The following GAS7 variants were observed in gnomAD, a reference collection of about 807,000 sequenced individuals.
GAS7 encodes the protein growth arrest specific 7, also known as growth arrest-specific protein 7.
GAS7 carries 28 observed loss-of-function variants against 71.1 expected under a neutral mutation model. The observed-to-expected ratio is 0.39, with a 90% CI of 0.29 to 0.54. GAS7 has a LOEUF of 0.54. GAS7 is among the 20% of genes least tolerant of loss of function. The probability of loss-of-function intolerance (pLI) is 0.62; values close to 1 mark genes in which losing one functional copy is unlikely to be tolerated. For synonymous variants in GAS7, 258 were observed against 245.8 expected (o/e 1.05, Z -0.46); for missense variants, 436 against 627.8 (o/e 0.69, Z 3.27).
intron 1 of GAS7, among the ~76,000 whole-genome samples, chr17:10,044,845 G>T (rs1806385): frequency 0.087 from 13,282 of 151,842 alleles, 1,290 homozygotes; most frequent in African/African-American, 0.24. Flanking sequence ...ATGAGGTCAG[G>T]AGATGGAGAC....
intron 2 of GAS7, among the ~76,000 whole-genome samples, chr17:9,984,431 T>C (rs1185297652): frequency 1.3e-5 from 2 of 151,940 alleles, no homozygotes; most frequent in Non-Finnish European, 2.9e-5. Context: ...AAAACAGAAT[T>C]GAGGGTGATC....
chr17:10,039,846 C>T, intron 1 of GAS7: 1 of 426,858 alleles, frequency 2.3e-6, no homozygotes, highest in South Asian at 1.6e-5. Flanking sequence ...CCCTCTGGGG[C>T]TCCCAGAGGG....
intron 1 of GAS7, among the ~76,000 whole-genome samples, chr17:10,048,439 C>T (rs2073012990): frequency 6.6e-6 from 1 of 152,220 alleles, no homozygotes; most frequent in African/African-American, 2.4e-5. Context: ...AGAGCTCTTT[C>T]TACTAGAATA....
intron 5 of GAS7, among the ~76,000 whole-genome samples, chr17:9,951,747 C>A (rs1597523386): frequency 3.8e-5 from 3 of 78,066 alleles, no homozygotes; most frequent in Admixed American, 2.2e-4. Context: ...GCAACAAGAG[C>A]AAAACTCTGT....
intron 5 of GAS7, among the ~76,000 whole-genome samples, chr17:9,954,523 A>G (rs1023730256): frequency 1.3e-4 from 20 of 152,072 alleles, no homozygotes; most frequent in Admixed American, 9.2e-4. Flanking sequence ...AGCATAGTCA[A>G]GAGGGGATTA....
chr17:10,071,737 C>G (rs999414957), intron 1 of GAS7, among the ~76,000 whole-genome samples: 5 of 151,804 alleles, frequency 3.3e-5, no homozygotes, highest in Non-Finnish European at 7.4e-5. Context: ...CCAGCCTTGC[C>G]AATATGGTGA....
chr17:9,951,760 CAAAAAAAAAAAAA>C (rs59048492), intron 5 of GAS7, among the ~76,000 whole-genome samples: 2 of 69,012 alleles, frequency 2.9e-5, no homozygotes, highest in African/African-American at 9.2e-5. Flanking sequence ...AACTCTGTCT[CAAAAAAAAAAAAA>C]AAAAAAAAAA....
intron 1 of GAS7, among the ~76,000 whole-genome samples, chr17:10,045,570 G>A (rs1168028666): frequency 4.6e-5 from 7 of 152,132 alleles, no homozygotes; most frequent in African/African-American, 7.2e-5. Context: ...GGTGGTGGTC[G>A]CCTGTAATCC....
intron 1 of GAS7, among the ~76,000 whole-genome samples, chr17:10,062,069 G>C (rs2073226070): frequency 6.6e-6 from 1 of 152,216 alleles, no homozygotes; most frequent in Admixed American, 6.5e-5. Context: ...GCTTCAGTTG[G>C]TTCCCGGTGC....
intron 2 of GAS7, among the ~76,000 whole-genome samples, chr17:9,991,617 C>T (rs559028907): frequency 5.9e-4 from 90 of 152,200 alleles, no homozygotes; most frequent in Admixed American, 7.2e-4. Flanking sequence ...GGGGGTGCTG[C>T]CTGGAGCTGT....
At chr17:10,195,238 G>A (rs2074532348) in intron 1 of GAS7, among the ~76,000 whole-genome samples, 1 of 152,160 alleles carries the variant, frequency 6.6e-6, no homozygotes, top group South Asian at 2.1e-4. Flanking sequence ...CTCCTCCCAA[G>A]GGCTAGCTGG....
At chr17:10,168,467 C>A (rs927601834) in intron 1 of GAS7, among the ~76,000 whole-genome samples, 1 of 152,100 alleles carries the variant, frequency 6.6e-6, no homozygotes, top group African/African-American at 2.4e-5. Context: ...TAAGATATTT[C>A]TTTCCTAATC....
At chr17:10,125,525 T>TAAA (rs71365720) in intron 1 of GAS7, among the ~76,000 whole-genome samples, 5 of 58,718 alleles carry the variant, frequency 8.5e-5, no homozygotes, top group Admixed American at 1.6e-4. Context: ...AACTCCATCT[T>TAAA]AAAAAAAAAA....
intron 3 of GAS7, among the ~76,000 whole-genome samples, chr17:9,976,159 G>A (rs1267967856): frequency 6.6e-6 from 1 of 152,216 alleles, no homozygotes; most frequent in Non-Finnish European, 1.5e-5. Context: ...TGTGAACTGC[G>A]TTCCCAAAGA....
At chr17:10,074,778 T>C (rs905804379) in intron 1 of GAS7, among the ~76,000 whole-genome samples, 1 of 146,284 alleles carries the variant, frequency 6.8e-6, no homozygotes, top group Non-Finnish European at 1.5e-5. Flanking sequence ...CTTTTTATAA[T>C]ACCCTGATAT....
intron 1 of GAS7, among the ~76,000 whole-genome samples, chr17:10,144,545 TTTTTTTC>T (rs915041344): frequency 3.9e-5 from 6 of 152,126 alleles, no homozygotes; most frequent in African/African-American, 7.2e-5. Context: ...GTTAATTTCT[TTTTTTTC>T]TTTTTTCTTT....
intron 2 of GAS7, among the ~76,000 whole-genome samples, chr17:9,985,928 T>C (rs964731069): frequency 2.0e-5 from 3 of 152,212 alleles, no homozygotes; most frequent in Admixed American, 6.5e-5. Context: ...AACTCCTGCA[T>C]GTAAATCTGC....
In GAS7 at chr17:9,911,356, T is replaced by C. The variant is rs956517324; in HGVS notation, c.*5872A>G. ...CAGGCTTTCCCTCTAGGTCTCCCAG[T>C]CACCCCACCCCGAGAGAGCACCCAC... On this transcript the variant is annotated 3_prime_UTR_variant, in exon 14 of 14. Transcript: ENST00000432992. This position sits in a 1 kb window ranked among gnomAD's most constrained non-coding sequence, Gnocchi z 4.0. 4.3e-6 allele frequency: 1 copy of C among 233,612 alleles called. No homozygotes were observed. The highest frequency in any genetic ancestry group is 2.2e-5 in the African/African-American group (1 of 45,346). 14.5% of individuals were successfully genotyped at this position (233,612 alleles called of 1,614,324 possible). A position where few individuals can be genotyped will look rare whatever the true frequency, so the allele number is the denominator to read the frequency against.
At chr17:10,119,212 TG>T (rs1407442312) in intron 1 of GAS7, among the ~76,000 whole-genome samples, 3 of 152,220 alleles carry the variant, frequency 2.0e-5, no homozygotes, top group Middle Eastern at 3.4e-3. Context: ...GAATAGAACA[TG>T]GTAAAGGGAA....
Sources: gnomAD v4.1 joint callset for allele counts (sites outside exome capture counted in the v4.1 genomes callset) on GRCh38, gnomAD v4.1.1 for gene constraint, Gnocchi (gnomAD v3.1) non-coding constraint, MANE v1.5 for transcripts, NCBI Gene and HGNC (gene_info 2026-07-23, HGNC 2026-07-21) for gene names.